The following PDE8B variants were observed in gnomAD, a reference collection of about 807,000 sequenced individuals.
The protein encoded by PDE8B is phosphodiesterase 8B.
Under a neutral mutation model 101.3 loss-of-function variants are expected in PDE8B, and 26 were observed. The observed-to-expected ratio is 0.26, with a 90% CI of 0.19 to 0.36. PDE8B has a LOEUF of 0.36. Among genes scored for constraint, PDE8B ranks in the 10% least tolerant of loss-of-function variants. The probability of loss-of-function intolerance (pLI) is 1.00; values close to 1 mark genes in which losing one functional copy is unlikely to be tolerated. For missense variants in PDE8B, 810 were observed against 1,163.1 expected (o/e 0.70, Z 4.42); for synonymous variants, 424 against 429.3 (o/e 0.99, Z 0.15).
chr5:77,094,394 C>T, the PDE8B span, among the ~76,000 whole-genome samples: 9 of 152,074 alleles, frequency 5.9e-5, no homozygotes, highest in Non-Finnish European at 8.8e-5. Flanking sequence ...ACTACAGCCT[C>T]GACCTCCTGG....
chr5:77,375,977 C>G (rs889818737), intron 10 of PDE8B, among the ~76,000 whole-genome samples: 1 of 147,636 alleles, frequency 6.8e-6, no homozygotes, highest in Non-Finnish European at 1.5e-5. Context: ...ACCGCAACCT[C>G]CGCCTCCCAG....
At chr5:77,366,609 A>G (rs1360652509) in intron 10 of PDE8B, among the ~76,000 whole-genome samples, 1 of 151,960 alleles carries the variant, frequency 6.6e-6, no homozygotes, top group Non-Finnish European at 1.5e-5. Flanking sequence ...TGCTTGGGGA[A>G]CTCACTGCTG....
intron 1 of PDE8B, among the ~76,000 whole-genome samples, chr5:77,273,945 C>T (rs1343444950): frequency 6.6e-6 from 1 of 151,934 alleles, no homozygotes; most frequent in African/African-American, 2.4e-5. Context: ...GCCTCAGCCT[C>T]CCGAGTAGCT....
At chr5:77,125,194 T>G in the PDE8B span, among the ~76,000 whole-genome samples, 3 of 152,142 alleles carry the variant, frequency 2.0e-5, no homozygotes, top group South Asian at 6.2e-4. Context: ...TAGGGATACA[T>G]TCTTTCTATG....
At chr5:77,234,207 C>T (rs528519316) in intron 1 of PDE8B, among the ~76,000 whole-genome samples, 44 of 152,218 alleles carry the variant, frequency 2.9e-4, no homozygotes, top group African/African-American at 5.8e-4. Context: ...CTCCTAATGA[C>T]GATGTGGTAC....
the PDE8B span, among the ~76,000 whole-genome samples, chr5:77,151,545 A>G: frequency 0.043 from 6,625 of 152,334 alleles, 205 homozygotes; most frequent in African/African-American, 0.079. Context: ...AGCAAAAATC[A>G]TAGCTCACAT....
chr5:77,114,712 TAAAAA>T, the PDE8B span: 1 of 152,126 alleles, frequency 6.6e-6, no homozygotes, highest in East Asian at 1.9e-4. Flanking sequence ...AGAGGAAAGT[TAAAAA>T]AATAAAATCC....
intron 1 of PDE8B, among the ~76,000 whole-genome samples, chr5:77,245,181 G>A (rs1455376325): frequency 6.6e-6 from 1 of 152,128 alleles, no homozygotes; most frequent in African/African-American, 2.4e-5. Context: ...TTGTCATACA[G>A]GCTTTGCATG....
At chr5:77,201,852 A>C in the PDE8B span, among the ~76,000 whole-genome samples, 6 of 152,304 alleles carry the variant, frequency 3.9e-5, no homozygotes, top group African/African-American at 1.4e-4. Flanking sequence ...TAAACAACAG[A>C]AACTTATTTT....
chr5:77,321,299 G>A (rs968709993), intron 2 of PDE8B, among the ~76,000 whole-genome samples: 6 of 151,928 alleles, frequency 3.9e-5, no homozygotes, highest in African/African-American at 1.5e-4. Context: ...TTACAGGCAT[G>A]CACCACCACG....
At chr5:77,349,704 G>A (rs2306343) in intron 8 of PDE8B, 145 bp downstream of exon 8, 720,145 of 896,216 alleles carry the variant, frequency 0.8, 291,595 homozygotes, top group East Asian at 0.97. Context: ...AAATGAGTTC[G>A]TTTTTAAGTT....
At chr5:77,129,139 T>G in the PDE8B span, among the ~76,000 whole-genome samples, 1 of 152,132 alleles carries the variant, frequency 6.6e-6, no homozygotes, top group Non-Finnish European at 1.5e-5. Flanking sequence ...CCCAACTAGT[T>G]TAGTAGTGAA....
chr5:77,103,374 G>A, the PDE8B span, among the ~76,000 whole-genome samples: 63 of 151,996 alleles, frequency 4.1e-4, no homozygotes, highest in Admixed American at 1.1e-3. Context: ...ATTTTTCTCC[G>A]TGACTCAACA....
the PDE8B span, among the ~76,000 whole-genome samples, chr5:77,174,994 T>C: frequency 6.6e-6 from 1 of 152,192 alleles, no homozygotes; most frequent in African/African-American, 2.4e-5. Context: ...TCCTGTCCCA[T>C]GTCTCAGAGA....
the PDE8B span, among the ~76,000 whole-genome samples, chr5:77,128,457 GCCCA>G: frequency 2.0e-5 from 3 of 152,292 alleles, no homozygotes; most frequent in East Asian, 5.8e-4. Context: ...AGTAGTAATT[GCCCA>G]CCTTTATGGG....
chr5:77,303,491 C>T (rs746554805), intron 1 of PDE8B, among the ~76,000 whole-genome samples: 1 of 152,086 alleles, frequency 6.6e-6, no homozygotes, highest in Admixed American at 6.6e-5. Context: ...ATCACTTGAA[C>T]CTGGGAGGTG....
intron 10 of PDE8B, among the ~76,000 whole-genome samples, chr5:77,383,188 GTGA>G (rs1201965937): frequency 9.9e-5 from 15 of 152,230 alleles, no homozygotes; most frequent in Non-Finnish European, 1.9e-4. Flanking sequence ...CTAATGACCA[GTGA>G]TGATGAGCTT....
chr5:77,329,068 C>A lies in PDE8B; in HGVS notation c.650+11C>A. 6.2e-7 allele frequency: 1 copy of A among 1,604,370 alleles called. No homozygotes were observed. Among genetic ancestry groups the A allele is most frequent in the South Asian group, 1.1e-5 (1 of 90,880 alleles). Reference sequence around the variant, plus strand: ...AGTGGTTTCGCGAGTGTAAGTGCACCTCCCATTCCCAGATGGAAGGAGTAC... The same window carrying A: ...AGTGGTTTCGCGAGTGTAAGTGCACATCCCATTCCCAGATGGAAGGAGTAC... On this transcript the variant is annotated intron_variant, in intron 4 of 21. Transcript: ENST00000264917.
intron 1 of PDE8B, among the ~76,000 whole-genome samples, chr5:77,237,266 C>T (rs1754881135): frequency 1.3e-5 from 2 of 151,990 alleles, no homozygotes; most frequent in South Asian, 2.1e-4. Flanking sequence ...AATGTCCATA[C>T]TTTTATTATT....
Sources: allele counts gnomAD v4.1 joint callset (sites outside exome capture counted in the v4.1 genomes callset), GRCh38; gene constraint gnomAD v4.1.1; transcripts MANE v1.5; gene names NCBI Gene and HGNC (gene_info 2026-07-23, HGNC 2026-07-21).